The following ATP6V0D2 variants were observed in gnomAD, a reference collection of about 807,000 sequenced individuals.
The protein encoded by ATP6V0D2 is ATPase H+ transporting V0 subunit d2.
In ATP6V0D2, 40 loss-of-function variants were observed where a neutral mutation model predicts 40.0. The observed-to-expected ratio is 1.00, with a 90% CI of 0.78 to 1.30. The LOEUF (loss-of-function observed/expected upper bound fraction) is 1.30, where lower values mean the gene tolerates loss of function less well. ATP6V0D2 is among the 50% of genes most tolerant of loss of function. ATP6V0D2 has a pLI of 0.00. For missense variants in ATP6V0D2, 470 were observed against 423.1 expected (o/e 1.11, Z -0.97); for synonymous variants, 179 against 156.3 (o/e 1.15, Z -1.08).
At chr8:86,145,596 GA>G (rs1390335103) in intron 5 of ATP6V0D2, among the ~76,000 whole-genome samples, 10 of 152,228 alleles carry the variant, frequency 6.6e-5, no homozygotes, top group African/African-American at 2.4e-4. Context: ...ATGACAGAAT[GA>G]AAAATAGTCT....
intron 2 of ATP6V0D2, among the ~76,000 whole-genome samples, chr8:86,128,134 T>C (rs1164302515): frequency 6.6e-6 from 1 of 152,098 alleles, no homozygotes; most frequent in Non-Finnish European, 1.5e-5. Flanking sequence ...TTTGGGAGGC[T>C]GAGGCGGGCA....
chr8:86,142,357 G>A (rs1252239728), intron 4 of ATP6V0D2, among the ~76,000 whole-genome samples: 1 of 152,166 alleles, frequency 6.6e-6, no homozygotes, highest in African/African-American at 2.4e-5. Flanking sequence ...ATTCCTCAGA[G>A]GTGAAAACTG....
At chr8:86,099,260 T>C in intron 1 of ATP6V0D2, 152 bp downstream of exon 1, 1 of 764,224 alleles carries the variant, frequency 1.3e-6, no homozygotes, top group Non-Finnish European at 1.9e-6. Context: ...CTGGGGTCCA[T>C]AAACTTGAAT....
At chr8:86,115,570 G>C (rs917134406) in intron 2 of ATP6V0D2, among the ~76,000 whole-genome samples, 1 of 151,316 alleles carries the variant, frequency 6.6e-6, no homozygotes, top group Non-Finnish European at 1.5e-5. Flanking sequence ...GGGTTTCACC[G>C]TGTTGTCTGG....
chr8:86,146,565 A>G (rs1002482013), intron 5 of ATP6V0D2, among the ~76,000 whole-genome samples: 1 of 152,160 alleles, frequency 6.6e-6, no homozygotes, highest in African/African-American at 2.4e-5. Flanking sequence ...GCATGGTGGA[A>G]CACACCTATA....
chr8:86,115,113 G>A (rs1818575825), intron 2 of ATP6V0D2, among the ~76,000 whole-genome samples: 1 of 152,102 alleles, frequency 6.6e-6, no homozygotes, highest in Admixed American at 6.6e-5. Flanking sequence ...TGAAAGCATG[G>A]CTTTGGGAGA....
At chr8:86,107,749 C>A (rs1818485825) in intron 1 of ATP6V0D2, among the ~76,000 whole-genome samples, 1 of 152,094 alleles carries the variant, frequency 6.6e-6, no homozygotes, top group Non-Finnish European at 1.5e-5. Context: ...AAAATCGATT[C>A]AAAGATTGCT....
chr8:86,139,810 G>A (rs900422241), intron 3 of ATP6V0D2, among the ~76,000 whole-genome samples, 175 bp downstream of exon 3: 1 of 152,152 alleles, frequency 6.6e-6, no homozygotes, highest in Non-Finnish European at 1.5e-5. Context: ...GAGACATTAA[G>A]GAATTATCTA....
At chr8:86,127,712 C>G (rs74533286) in intron 2 of ATP6V0D2, among the ~76,000 whole-genome samples, 2,093 of 152,302 alleles carry the variant, frequency 0.014, 61 homozygotes, top group African/African-American at 0.047. Context: ...GAATGAGCCA[C>G]AGCTCCCAGC....
chr8:86,145,231 GAA>G (rs757096925), intron 5 of ATP6V0D2, among the ~76,000 whole-genome samples: 24 of 41,686 alleles, frequency 5.8e-4, no homozygotes, highest in East Asian at 1.9e-3. Context: ...AAGAAAGAAA[GAA>G]AGAGAGAGAG....
intron 2 of ATP6V0D2, among the ~76,000 whole-genome samples, chr8:86,125,853 T>C (rs1818734412): frequency 6.6e-6 from 1 of 151,698 alleles, no homozygotes. Context: ...AAATGTAATC[T>C]ATTATAATTT....
intron 5 of ATP6V0D2, among the ~76,000 whole-genome samples, chr8:86,148,453 G>T (rs1313322697): frequency 6.6e-6 from 1 of 152,288 alleles, no homozygotes; most frequent in South Asian, 2.1e-4. Context: ...TCTGTTGCAA[G>T]TTGGGTTTTG....
intron 2 of ATP6V0D2, among the ~76,000 whole-genome samples, chr8:86,131,421 G>A (rs1818824587): frequency 1.3e-5 from 2 of 151,904 alleles, no homozygotes; most frequent in African/African-American, 2.4e-5. Flanking sequence ...GGATGGTCTC[G>A]ATCTCTTGAC....
chr8:86,122,554 C>T (rs4960959), intron 2 of ATP6V0D2, among the ~76,000 whole-genome samples: 94,725 of 151,890 alleles, frequency 0.62, 30,399 homozygotes, highest in Non-Finnish European at 0.71. Context: ...TTTGATCACC[C>T]TATCACCATA....
intron 2 of ATP6V0D2, among the ~76,000 whole-genome samples, chr8:86,114,139 T>A (rs1818564605): frequency 6.7e-6 from 1 of 149,980 alleles, no homozygotes; most frequent in Non-Finnish European, 1.5e-5. Context: ...AGTTTTCATT[T>A]AAAAAAAAAA....
chr8:86,125,890 TA>T (rs1818735144), intron 2 of ATP6V0D2, among the ~76,000 whole-genome samples: 4 of 150,418 alleles, frequency 2.7e-5, no homozygotes, highest in Admixed American at 1.3e-4. Context: ...AGATATATTT[TA>T]TTTAATATAT....
At chr8:86,148,251 A>G (rs1333260564) in intron 5 of ATP6V0D2, among the ~76,000 whole-genome samples, 1 of 152,124 alleles carries the variant, frequency 6.6e-6, no homozygotes, top group African/African-American at 2.4e-5. Context: ...TTATCCCTAG[A>G]AGGTCTAAAA....
chr8:86,133,409 G>C (rs550377445), intron 2 of ATP6V0D2, among the ~76,000 whole-genome samples: 2 of 128,768 alleles, frequency 1.6e-5, no homozygotes, highest in South Asian at 5.4e-4. Flanking sequence ...TGCAACCTCC[G>C]CCTCCTGGGT....
At chr8:86,104,281 C>A (rs1035320537) in intron 1 of ATP6V0D2, among the ~76,000 whole-genome samples, 1 of 152,144 alleles carries the variant, frequency 6.6e-6, no homozygotes, top group African/African-American at 2.4e-5. Context: ...CTCAAGCAAT[C>A]CTCCCACCTT....
Sources: gnomAD v4.1 joint callset for allele counts (sites outside exome capture counted in the v4.1 genomes callset) on GRCh38, gnomAD v4.1.1 for gene constraint, MANE v1.5 for transcripts, NCBI Gene and HGNC (gene_info 2026-07-23, HGNC 2026-07-21) for gene names.